Variants in GPR39 observed in about 807,000 individuals in gnomAD.
GPR39 encodes the protein G protein-coupled receptor 39.
A neutral mutation model predicts 18.4 loss-of-function variants in GPR39; 23 were observed. That is an observed-to-expected ratio of 1.25 (90% CI 0.90 to 1.77). The LOEUF (loss-of-function observed/expected upper bound fraction) is 1.77. Among genes scored for constraint, GPR39 ranks in the 40% most tolerant of loss-of-function variants. The pLI is 0.00. For missense variants in GPR39, 647 were observed against 602.4 expected (o/e 1.07, Z -0.78); for synonymous variants, 280 against 257.9 (o/e 1.09, Z -0.82).
chr2:132,500,011 G>A (rs1054396174), intron 1 of GPR39, among the ~76,000 whole-genome samples: 1 of 152,016 alleles, frequency 6.6e-6, no homozygotes, highest in African/African-American at 2.4e-5. Flanking sequence ...CTATGTATAC[G>A]ATCATATCAT....
At chr2:132,602,770 A>G (rs1681065159) in intron 1 of GPR39, among the ~76,000 whole-genome samples, 1 of 152,098 alleles carries the variant, frequency 6.6e-6, no homozygotes, top group Non-Finnish European at 1.5e-5. Flanking sequence ...CAAGTGGCCA[A>G]TAAGTATATG....
At chr2:132,419,917 T>C (rs986904732) in intron 1 of GPR39, among the ~76,000 whole-genome samples, 1 of 152,180 alleles carries the variant, frequency 6.6e-6, no homozygotes, top group Non-Finnish European at 1.5e-5. Flanking sequence ...GTGTTTCCTG[T>C]ATTTCTCTGA....
intron 1 of GPR39, among the ~76,000 whole-genome samples, chr2:132,624,491 T>C (rs1681507158): frequency 6.6e-6 from 1 of 152,214 alleles, no homozygotes; most frequent in Admixed American, 6.5e-5. Flanking sequence ...ACAACATACA[T>C]ACTGAAAAGT....
chr2:132,550,965 A>G (rs1028816536), intron 1 of GPR39, among the ~76,000 whole-genome samples: 4 of 152,214 alleles, frequency 2.6e-5, no homozygotes, highest in African/African-American at 9.6e-5. Flanking sequence ...CTTGTGGTTT[A>G]GGTGGAGGAA....
chr2:132,435,234 C>T (rs1440087754), intron 1 of GPR39, among the ~76,000 whole-genome samples: 1 of 152,016 alleles, frequency 6.6e-6, no homozygotes, highest in East Asian at 1.9e-4. Context: ...CTCTCCTGCT[C>T]CCCGCACACC....
rs754885823 is a variant in GPR39 at position 132,645,193 on chromosome 2, T to C, written c.949T>C (p.Ser317Pro). ...AAKPKHDWTR[S>P]YFRAYMILLP... ...CAAACCCAAGCACGACTGGACGAGGTCCTACTTCCGGGCGTACATGATCCT... is the reference window on the plus strand; with the variant it reads ...CAAACCCAAGCACGACTGGACGAGGCCCTACTTCCGGGCGTACATGATCCT... Residue 317 changes from serine to proline, a missense_variant, in exon 2 of 2, where the codon TCC (serine) becomes CCC (proline). Physicochemically the swap from Ser to Pro is moderately conservative, Grantham distance 74. Coordinates refer to ENST00000329321, the MANE Select transcript of GPR39 (RefSeq NM_001508.3). 9 of 1,613,916 alleles carry C rather than the reference T, an allele frequency of 5.6e-6. No homozygotes were observed. The highest frequency in any genetic ancestry group is 1.6e-4 in the Middle Eastern group (1 of 6,062).
At chr2:132,569,786 G>T (rs558149554) in intron 1 of GPR39, among the ~76,000 whole-genome samples, 91 of 151,646 alleles carry the variant, frequency 6.0e-4, no homozygotes, top group Non-Finnish European at 3.1e-4. Flanking sequence ...ATGGGGTCAG[G>T]TCTTTCCTGT....
intron 1 of GPR39, among the ~76,000 whole-genome samples, chr2:132,622,092 A>G (rs1044412389): frequency 2.0e-5 from 3 of 152,068 alleles, no homozygotes; most frequent in Non-Finnish European, 4.4e-5. Flanking sequence ...ACGATGGAAA[A>G]ATAAAAGTCT....
At chr2:132,562,568 T>G (rs1402802382) in intron 1 of GPR39, among the ~76,000 whole-genome samples, 1 of 151,086 alleles carries the variant, frequency 6.6e-6, no homozygotes, top group Non-Finnish European at 1.5e-5. Flanking sequence ...GTCTTTAAGA[T>G]CCTATTTTGT....
intron 1 of GPR39, among the ~76,000 whole-genome samples, chr2:132,473,078 G>C (rs1681063338): frequency 1.3e-5 from 2 of 152,076 alleles, no homozygotes; most frequent in African/African-American, 2.4e-5. Flanking sequence ...TGTTCCCCTG[G>C]TATCTTCCTG....
Position 132,441,124 on chromosome 2 carries a change from G to A in GPR39, c.856+23226G>A, listed in dbSNP as rs1680430748. ...ATTCCTTGATTTTTTTCACAAATAA[G>A]TATAGTTACATGCCTGTTATATGCC... On this transcript the variant is annotated intron_variant, in intron 1 of 1. Coordinates refer to ENST00000329321, the MANE Select transcript of GPR39 (RefSeq NM_001508.3). Among the ~76,000 whole-genome samples the A allele has an allele frequency of 3.3e-5, 5 of 152,286 alleles. No individual in the cohort carries two copies. The South Asian group carries it at 1.0e-3, about 32-fold the overall frequency.
chr2:132,458,708 G>A (rs532931778), intron 1 of GPR39, among the ~76,000 whole-genome samples: 1 of 151,764 alleles, frequency 6.6e-6, no homozygotes, highest in Non-Finnish European at 1.5e-5. Flanking sequence ...TTTCCCCCCA[G>A]GCCATTTGTA....
chr2:132,477,033 C>T (rs1193268097), intron 1 of GPR39, among the ~76,000 whole-genome samples: 1 of 152,204 alleles, frequency 6.6e-6, no homozygotes, highest in Non-Finnish European at 1.5e-5. Context: ...TCCCCCTCTG[C>T]CTGCTCTTCT....
intron 1 of GPR39, among the ~76,000 whole-genome samples, chr2:132,521,708 C>G (rs867219647): frequency 6.6e-6 from 1 of 152,208 alleles, no homozygotes; most frequent in African/African-American, 2.4e-5. Context: ...CTTTTCCCCC[C>G]CTTATTAAAC....
intron 1 of GPR39, among the ~76,000 whole-genome samples, chr2:132,606,357 A>G (rs1681138303): frequency 6.6e-6 from 1 of 152,244 alleles, no homozygotes; most frequent in African/African-American, 2.4e-5. Context: ...GCTTAGCTCA[A>G]TGTTCAGCTA....
intron 1 of GPR39, among the ~76,000 whole-genome samples, chr2:132,534,997 A>T (rs1041275011): frequency 3.8e-4 from 22 of 58,400 alleles, no homozygotes; most frequent in East Asian, 2.8e-3. Context: ...AATAATAATT[A>T]AAAAAAAAAC....
chr2:132,638,132 A>T (rs1376683278), intron 1 of GPR39, among the ~76,000 whole-genome samples: 1 of 152,076 alleles, frequency 6.6e-6, no homozygotes, highest in Non-Finnish European at 1.5e-5. Context: ...AAAGAGACAG[A>T]GGGAGAAAGG....
chr2:132,492,233 C>A (rs1311592600), intron 1 of GPR39, among the ~76,000 whole-genome samples: 3 of 135,734 alleles, frequency 2.2e-5, no homozygotes, highest in African/African-American at 8.4e-5. Flanking sequence ...ATATATATAC[C>A]ATATATATAC....
chr2:132,457,556 G>A (rs1480333685), intron 1 of GPR39, among the ~76,000 whole-genome samples: 4 of 152,136 alleles, frequency 2.6e-5, no homozygotes, highest in Non-Finnish European at 5.9e-5. Flanking sequence ...GCCCCTACTG[G>A]GAGGTGTCTC....
Sources: gnomAD v4.1 joint callset for allele counts (sites outside exome capture counted in the v4.1 genomes callset) on GRCh38, gnomAD v4.1.1 for gene constraint, MANE v1.5 for transcripts, NCBI Gene and HGNC (gene_info 2026-07-23, HGNC 2026-07-21) for gene names.